The following SETBP1 variants were observed in gnomAD, a reference collection of about 807,000 sequenced individuals.
The protein encoded by SETBP1 is SET-binding protein.
In SETBP1, 9 loss-of-function variants were observed where a neutral mutation model predicts 101.0. The ratio of observed to expected loss-of-function variants is 0.09; its 90% CI spans 0.05 to 0.16. The LOEUF (loss-of-function observed/expected upper bound fraction) is 0.16, where lower values mean the gene tolerates loss of function less well. SETBP1 is among the 10% of genes least tolerant of loss of function. The probability of loss-of-function intolerance (pLI) is 1.00; values close to 1 mark genes in which losing one functional copy is unlikely to be tolerated. For missense variants in SETBP1, 1,858 were observed against 2,033.8 expected, an observed-to-expected ratio of 0.91 and a Z score of 1.66; for synonymous variants, 818 against 788.5, an observed-to-expected ratio of 1.04 and a Z score of -0.63.
At chr18:44,847,324 T>A (rs2072744794) in intron 2 of SETBP1, among the ~76,000 whole-genome samples, 1 of 152,226 alleles carries the variant, frequency 6.6e-6, no homozygotes, top group Non-Finnish European at 1.5e-5. Context: ...CTTACGCAGT[T>A]CTGCCACGGT....
intron 2 of SETBP1, among the ~76,000 whole-genome samples, chr18:44,784,395 C>T (rs1239428684): frequency 6.6e-6 from 1 of 152,170 alleles, no homozygotes; most frequent in African/African-American, 2.4e-5. Context: ...CAGTGCCTCC[C>T]CAAGGGGTCT....
chr18:44,755,417 A>T (rs918077394), intron 2 of SETBP1, among the ~76,000 whole-genome samples: 1 of 152,166 alleles, frequency 6.6e-6, no homozygotes, highest in African/African-American at 2.4e-5. Flanking sequence ...GGGCTAGGAC[A>T]AAGTAGGAGG....
At chr18:44,739,306 G>A (rs148971496) in intron 2 of SETBP1, among the ~76,000 whole-genome samples, 64 of 152,218 alleles carry the variant, frequency 4.2e-4, no homozygotes, top group African/African-American at 1.4e-3. Flanking sequence ...TCTTTGTGGG[G>A]CCATTATTCT....
chr18:44,980,345 AG>A (rs2072084752), intron 4 of SETBP1, among the ~76,000 whole-genome samples: 2 of 152,176 alleles, frequency 1.3e-5, no homozygotes, highest in African/African-American at 4.8e-5. Flanking sequence ...ATGGTTTAGT[AG>A]GGTTGGAAAT....
chr18:44,879,979 A>G (rs541077763), intron 3 of SETBP1, among the ~76,000 whole-genome samples: 126 of 152,228 alleles, frequency 8.3e-4, no homozygotes, highest in Non-Finnish European at 1.5e-3. Context: ...TCATTTAAGC[A>G]ACTTTCTCAG....
At chr18:44,744,608 G>C (rs919543662) in intron 2 of SETBP1, among the ~76,000 whole-genome samples, 1 of 152,124 alleles carries the variant, frequency 6.6e-6, no homozygotes, top group African/African-American at 2.4e-5. Context: ...GGCGAATGTC[G>C]CGCACCCAGT....
intron 4 of SETBP1, among the ~76,000 whole-genome samples, chr18:44,965,389 A>G (rs879871056): frequency 6.6e-6 from 1 of 152,114 alleles, no homozygotes; most frequent in Non-Finnish European, 1.5e-5. Context: ...GAGCATTTAG[A>G]GAGAAGGCAC....
At chr18:44,788,789 A>ATT (rs2051812934) in intron 2 of SETBP1, among the ~76,000 whole-genome samples, 1 of 118,320 alleles carries the variant, frequency 8.5e-6, no homozygotes, top group African/African-American at 3.5e-5. Context: ...TTTCCTTTTT[A>ATT]ATTTTTTTTT....
intron 2 of SETBP1, among the ~76,000 whole-genome samples, chr18:44,758,384 A>ATTT (rs35307959): frequency 6.9e-6 from 1 of 145,332 alleles, no homozygotes; most frequent in Non-Finnish European, 1.5e-5. Flanking sequence ...AGCTGAAAGA[A>ATTT]TTTTTTTTTT....
At chr18:44,853,150 T>A (rs911204564) in intron 2 of SETBP1, among the ~76,000 whole-genome samples, 1 of 152,206 alleles carries the variant, frequency 6.6e-6, no homozygotes, top group Non-Finnish European at 1.5e-5. Flanking sequence ...TGCCCACCTT[T>A]GCCCTAAGCC....
chr18:44,769,515 A>C (rs553247266), intron 2 of SETBP1, among the ~76,000 whole-genome samples: 146 of 152,246 alleles, frequency 9.6e-4, no homozygotes, highest in Non-Finnish European at 5.1e-4. Context: ...GCTTAAGCCA[A>C]GTTCTCCAAT....
At chr18:44,891,861 T>C (rs534473179) in intron 3 of SETBP1, among the ~76,000 whole-genome samples, 1 of 152,278 alleles carries the variant, frequency 6.6e-6, no homozygotes, top group South Asian at 2.1e-4. Flanking sequence ...TTGTCATAGA[T>C]GTCTTGAAAT....
intron 4 of SETBP1, among the ~76,000 whole-genome samples, chr18:44,981,126 AC>A (rs1280500056): frequency 6.6e-6 from 1 of 152,156 alleles, no homozygotes; most frequent in Non-Finnish European, 1.5e-5. Context: ...AAACCGATGC[AC>A]CCTTAAGTTT....
intron 2 of SETBP1, among the ~76,000 whole-genome samples, chr18:44,759,914 A>G (rs1457205449): frequency 6.6e-6 from 1 of 152,240 alleles, no homozygotes; most frequent in African/African-American, 2.4e-5. Flanking sequence ...ATTAAACCAG[A>G]AAATCAAGAG....
rs144776894 is a variant in SETBP1 at position 44,710,426 on chromosome 18, G to A, written c.486+8594G>A. On this transcript the variant is annotated intron_variant, in intron 2 of 5. Transcript: ENST00000649279. Reference sequence around the variant, plus strand: ...AAATATAGAAAATACACAGCACAAGGCCTTGAAGCCATGCATTTTAGGAGT... The same window carrying A: ...AAATATAGAAAATACACAGCACAAGACCTTGAAGCCATGCATTTTAGGAGT... Among the ~76,000 whole-genome samples the A allele has an allele frequency of 1.8e-3, 268 of 149,442 alleles. 6 individuals carry two copies. The East Asian group carries it at 0.04, about 23-fold the overall frequency.
chr18:44,971,128 T>C (rs1488032581), intron 4 of SETBP1, among the ~76,000 whole-genome samples: 3 of 152,022 alleles, frequency 2.0e-5, no homozygotes, highest in Non-Finnish European at 4.4e-5. Flanking sequence ...ATGCGGTGTT[T>C]GGTTTTTTGT....
chr18:44,930,023 A>G (rs1222676386), intron 3 of SETBP1, among the ~76,000 whole-genome samples: 1 of 152,240 alleles, frequency 6.6e-6, no homozygotes, highest in Non-Finnish European at 1.5e-5. Flanking sequence ...CAGTTTTCAA[A>G]AGGAATGCTT....
intron 4 of SETBP1, among the ~76,000 whole-genome samples, chr18:44,982,424 A>G (rs1363051453): frequency 1.3e-5 from 2 of 152,214 alleles, no homozygotes; most frequent in Non-Finnish European, 2.9e-5. Flanking sequence ...TATATCATTT[A>G]GGGTATTCCC....
intron 2 of SETBP1, among the ~76,000 whole-genome samples, chr18:44,837,648 G>A (rs942421326): frequency 5.9e-5 from 9 of 152,128 alleles, no homozygotes; most frequent in South Asian, 4.1e-4. Context: ...GAGGCGATGC[G>A]GTCCATTTGC....
Sources: gnomAD v4.1 joint callset for allele counts (sites outside exome capture counted in the v4.1 genomes callset) on GRCh38, gnomAD v4.1.1 for gene constraint, MANE v1.5 for transcripts, NCBI Gene and HGNC (gene_info 2026-07-23, HGNC 2026-07-21) for gene names.